The following FER variants were observed in gnomAD, a reference collection of about 807,000 sequenced individuals.
FER encodes FER tyrosine kinase, also known as tyrosine-protein kinase Fer.
In FER, 63 loss-of-function variants were observed where a neutral mutation model predicts 111.0. The ratio of observed to expected loss-of-function variants is 0.57; its 90% CI spans 0.46 to 0.70. FER has a LOEUF of 0.70. Ranked by LOEUF, FER falls within the 30% of genes least tolerant of loss-of-function variation. FER has a pLI of 0.00. For synonymous variants in FER, 327 were observed against 313.9 expected (o/e 1.04, Z -0.44); for missense variants, 914 against 954.0 (o/e 0.96, Z 0.55).
At chr5:108,889,178 T>C (rs1388362075) in intron 9 of FER, among the ~76,000 whole-genome samples, 1 of 151,860 alleles carries the variant, frequency 6.6e-6, no homozygotes, top group Non-Finnish European at 1.5e-5. Flanking sequence ...AAAATAGAGC[T>C]ACCATGCCAT....
intron 3 of FER, among the ~76,000 whole-genome samples, chr5:108,815,234 A>C (rs1281104628): frequency 6.6e-6 from 1 of 152,126 alleles, no homozygotes; most frequent in Non-Finnish European, 1.5e-5. Flanking sequence ...GAATTTTTGG[A>C]AATGAGATTT....
At chr5:109,041,864 G>C (rs1009999342) in intron 14 of FER, among the ~76,000 whole-genome samples, 1 of 152,116 alleles carries the variant, frequency 6.6e-6, no homozygotes, top group Admixed American at 6.6e-5. Flanking sequence ...GTGATAAGTA[G>C]GTAATAGAAC....
At chr5:109,132,673 C>A (rs1204784797) in intron 17 of FER, among the ~76,000 whole-genome samples, 1 of 152,118 alleles carries the variant, frequency 6.6e-6, no homozygotes, top group Non-Finnish European at 1.5e-5. Context: ...GTCCAAGAGG[C>A]CTCAGACAAT....
rs142466958 is a variant in FER at position 108,873,294 on chromosome 5, C to T, written c.923+1082C>T. Among the ~76,000 whole-genome samples, 407 of 152,150 alleles carry T rather than the reference C, an allele frequency of 2.7e-3. 1 individual carries two copies. The highest frequency in any genetic ancestry group is 9.4e-3 in the African/African-American group (390 of 41,492). The stretch of plus-strand genomic sequence containing the variant: ...GAGTAGCTGGATTACAGGCATGTGC[C>T]ACCATGCCTGGCTAATTTTTGTGTT... On this transcript the variant is annotated intron_variant, in intron 8 of 19. Transcript: ENST00000281092.
chr5:108,869,898 A>G (rs935447664), intron 6 of FER, among the ~76,000 whole-genome samples: 1 of 152,166 alleles, frequency 6.6e-6, no homozygotes, highest in Admixed American at 6.6e-5. Flanking sequence ...CCATATTCAC[A>G]TAAGAAGATA....
At chr5:109,086,457 G>A (rs1777580119) in intron 16 of FER, among the ~76,000 whole-genome samples, 1 of 151,394 alleles carries the variant, frequency 6.6e-6, no homozygotes. Flanking sequence ...CTTCCTAGGT[G>A]TTTATCCATT....
intron 17 of FER, among the ~76,000 whole-genome samples, chr5:109,147,360 C>A (rs561205829): frequency 1.3e-5 from 1 of 79,624 alleles, no homozygotes; most frequent in Non-Finnish European, 2.9e-5. Context: ...CCCCTTTGGG[C>A]GGTAAGTTAG....
chr5:109,021,426 A>C (rs1329136328), intron 13 of FER, among the ~76,000 whole-genome samples: 1 of 152,082 alleles, frequency 6.6e-6, no homozygotes, highest in African/African-American at 2.4e-5. Context: ...AAGTCATTTA[A>C]TGGATTGTAG....
At chr5:108,820,034 G>T (rs1335906724) in intron 3 of FER, 11 of 985,206 alleles carry the variant, frequency 1.1e-5, no homozygotes, top group Non-Finnish European at 1.2e-5. Flanking sequence ...CTAGGACATG[G>T]AAAGGGAATG....
At chr5:109,185,551 A>G (rs1407153035) in intron 18 of FER, among the ~76,000 whole-genome samples, 2 of 152,180 alleles carry the variant, frequency 1.3e-5, no homozygotes, top group East Asian at 1.9e-4. Context: ...GTAAAAATGT[A>G]TATCTTTTTA....
At chr5:109,159,379 T>C (rs1755751568) in intron 17 of FER, among the ~76,000 whole-genome samples, 1 of 152,188 alleles carries the variant, frequency 6.6e-6, no homozygotes, top group Admixed American at 6.5e-5. Context: ...TCTCTCATTC[T>C]ATGATTATAT....
intron 3 of FER, among the ~76,000 whole-genome samples, chr5:108,815,885 G>A (rs974382114): frequency 6.6e-6 from 1 of 152,024 alleles, no homozygotes; most frequent in Non-Finnish European, 1.5e-5. Flanking sequence ...TAATTTTTAA[G>A]CCTGGCTATA....
chr5:109,055,592 C>A (rs565687169), intron 16 of FER, among the ~76,000 whole-genome samples: 1 of 151,618 alleles, frequency 6.6e-6, no homozygotes, highest in Non-Finnish European at 1.5e-5. Flanking sequence ...TCAGACCAGC[C>A]TGGGCAACGT....
At chr5:109,180,699 C>T in intron 17 of FER, 48 bp from the exon 18 acceptor site, 1 of 1,547,236 alleles carries the variant, frequency 6.5e-7, no homozygotes, top group East Asian at 2.3e-5. Flanking sequence ...GTGAAAGTGG[C>T]TTTCAATTTG....
intron 16 of FER, among the ~76,000 whole-genome samples, chr5:109,091,502 G>A (rs913695996): frequency 6.6e-6 from 1 of 152,154 alleles, no homozygotes; most frequent in Non-Finnish European, 1.5e-5. Context: ...TAACTGCCGC[G>A]GGCAAAGAGC....
intron 18 of FER, among the ~76,000 whole-genome samples, chr5:109,185,958 T>C (rs1758812287): frequency 6.6e-6 from 1 of 152,186 alleles, no homozygotes; most frequent in African/African-American, 2.4e-5. Context: ...CAATGGTAAG[T>C]TTTTGTGTAT....
At chr5:109,029,425 CTTTTTTTTTTTTT>C (rs757282669) in intron 13 of FER, among the ~76,000 whole-genome samples, 9 of 52,214 alleles carry the variant, frequency 1.7e-4, no homozygotes, top group African/African-American at 3.3e-4. Context: ...ATTCATTGTT[CTTTTTTTTTTTTT>C]TTTTTTTTTT....
At chr5:108,799,446 C>G (rs1177694164) in intron 3 of FER, among the ~76,000 whole-genome samples, 3 of 152,094 alleles carry the variant, frequency 2.0e-5, no homozygotes, top group African/African-American at 7.2e-5. Flanking sequence ...TGTGTTTGAT[C>G]AAGTAAGGAG....
intron 16 of FER, among the ~76,000 whole-genome samples, chr5:109,091,451 C>T (rs1456721084): frequency 6.6e-6 from 1 of 152,152 alleles, no homozygotes; most frequent in Non-Finnish European, 1.5e-5. Flanking sequence ...GCATGGATGC[C>T]TCCACCCAGA....
Sources: allele counts gnomAD v4.1 joint callset (sites outside exome capture counted in the v4.1 genomes callset), GRCh38; gene constraint gnomAD v4.1.1; transcripts MANE v1.5; gene names NCBI Gene and HGNC (gene_info 2026-07-23, HGNC 2026-07-21).